Variants in MMP16 observed in about 807,000 individuals in gnomAD.
MMP16 encodes matrix metalloproteinase-16.
A neutral mutation model predicts 67.8 loss-of-function variants in MMP16; 12 were observed. The observed-to-expected ratio is 0.18, with a 90% confidence interval of 0.11 to 0.29. The LOEUF is 0.29. MMP16 is among the 10% of genes least tolerant of loss of function. The pLI, the probability that MMP16 is intolerant of heterozygous loss-of-function variation, is 1.00. For synonymous variants in MMP16, 249 were observed against 255.9 expected, an observed-to-expected ratio of 0.97 and a Z score of 0.26; for missense variants, 475 against 765.7, an observed-to-expected ratio of 0.62 and a Z score of 4.48.
chr8:88,078,736 A>T (rs1720887862), intron 6 of MMP16, among the ~76,000 whole-genome samples: 1 of 152,174 alleles, frequency 6.6e-6, no homozygotes, highest in Non-Finnish European at 1.5e-5. Context: ...GAACTGATCT[A>T]CTTTTACTTC....
chr8:88,126,852 C>A (rs958596374), intron 4 of MMP16, among the ~76,000 whole-genome samples: 11 of 151,798 alleles, frequency 7.2e-5, no homozygotes, highest in Admixed American at 2.0e-4. Context: ...GTAGGTTAAA[C>A]ACCATCAAGT....
At chr8:88,225,698 A>G (rs967543184) in intron 1 of MMP16, among the ~76,000 whole-genome samples, 1 of 151,742 alleles carries the variant, frequency 6.6e-6, no homozygotes, top group Admixed American at 6.6e-5. Context: ...AGTAGTATCA[A>G]TATATATAAA....
At chr8:88,107,924 T>C (rs1454922823) in intron 6 of MMP16, among the ~76,000 whole-genome samples, 1 of 151,146 alleles carries the variant, frequency 6.6e-6, no homozygotes, top group Admixed American at 6.6e-5. Context: ...TCTCTCTTTC[T>C]CATATGATGT....
chr8:88,093,141 C>T (rs1256799757), intron 6 of MMP16, among the ~76,000 whole-genome samples: 1 of 151,694 alleles, frequency 6.6e-6, no homozygotes, highest in African/African-American at 2.4e-5. Flanking sequence ...GACTGTATGT[C>T]CTGAAAACTT....
intron 1 of MMP16, among the ~76,000 whole-genome samples, chr8:88,279,210 G>C (rs1239906135): frequency 7.0e-6 from 1 of 142,572 alleles, no homozygotes; most frequent in African/African-American, 2.6e-5. Flanking sequence ...GACACAGCAA[G>C]ACTCTGTCTC....
chr8:88,271,142 T>C (rs1051893952), intron 1 of MMP16, among the ~76,000 whole-genome samples: 2 of 152,154 alleles, frequency 1.3e-5, no homozygotes, highest in Non-Finnish European at 2.9e-5. Flanking sequence ...TGTAGCAGAG[T>C]ATACAAACAG....
At chr8:88,250,008 C>T (rs1810181855) in intron 1 of MMP16, among the ~76,000 whole-genome samples, 3 of 152,118 alleles carry the variant, frequency 2.0e-5, no homozygotes, top group African/African-American at 7.2e-5. Context: ...AATCAGGTTA[C>T]ATAAGCAAAA....
intron 1 of MMP16, among the ~76,000 whole-genome samples, chr8:88,228,730 A>T (rs1226523081): frequency 1.3e-5 from 2 of 152,124 alleles, no homozygotes. Flanking sequence ...CCCTTTGCTC[A>T]CAAATACAGC....
chr8:88,098,102 A>G (rs1345641376), intron 6 of MMP16, among the ~76,000 whole-genome samples: 1 of 151,984 alleles, frequency 6.6e-6, no homozygotes, highest in East Asian at 2.0e-4. Flanking sequence ...GACCCAAAGA[A>G]CTCACTGAAA....
intron 1 of MMP16, among the ~76,000 whole-genome samples, chr8:88,266,446 T>C (rs1289372395): frequency 6.6e-6 from 1 of 152,194 alleles, no homozygotes; most frequent in Non-Finnish European, 1.5e-5. Flanking sequence ...ATTATATAAA[T>C]TCATCTGGAG....
At chr8:88,183,875 C>T (rs1388450678) in intron 3 of MMP16, among the ~76,000 whole-genome samples, 5 of 151,034 alleles carry the variant, frequency 3.3e-5, no homozygotes, top group African/African-American at 1.2e-4. Flanking sequence ...GCCACAACTC[C>T]GAGCTAATTT....
At chr8:88,182,467 C>T (rs912887274) in intron 3 of MMP16, among the ~76,000 whole-genome samples, 7 of 152,164 alleles carry the variant, frequency 4.6e-5, no homozygotes, top group Admixed American at 3.9e-4. Flanking sequence ...AATTGATTTA[C>T]AATAATTGTT....
intron 3 of MMP16, among the ~76,000 whole-genome samples, chr8:88,169,956 A>C (rs1808773245): frequency 6.6e-6 from 1 of 152,322 alleles, no homozygotes; most frequent in Admixed American, 6.5e-5. Context: ...TATGTTGAAA[A>C]TATATTGACG....
chr8:88,158,720 T>A (rs1808559079), intron 4 of MMP16, among the ~76,000 whole-genome samples: 1 of 152,238 alleles, frequency 6.6e-6, no homozygotes, highest in Non-Finnish European at 1.5e-5. Flanking sequence ...TTTTGGTGTT[T>A]TAGTCATGAA....
chr8:88,251,391 G>A (rs1284618851), intron 1 of MMP16, among the ~76,000 whole-genome samples: 1 of 149,904 alleles, frequency 6.7e-6, no homozygotes, highest in Admixed American at 6.6e-5. Flanking sequence ...AAGCAATGGG[G>A]AAAGGATTCC....
At chr8:88,191,059 C>T (rs536992531) in intron 2 of MMP16, among the ~76,000 whole-genome samples, 1 of 152,192 alleles carries the variant, frequency 6.6e-6, no homozygotes, top group South Asian at 2.1e-4. Flanking sequence ...ATTTTTAATA[C>T]TGATTTAATT....
chr8:88,218,300 C>T (rs1368030532), intron 1 of MMP16, among the ~76,000 whole-genome samples: 1 of 151,828 alleles, frequency 6.6e-6, no homozygotes, highest in Non-Finnish European at 1.5e-5. Flanking sequence ...TCTCAATGAC[C>T]TAAATTAGGA....
At chr8:88,125,346 A>G (rs1375540032) in intron 4 of MMP16, among the ~76,000 whole-genome samples, 1 of 151,906 alleles carries the variant, frequency 6.6e-6, no homozygotes, top group Non-Finnish European at 1.5e-5. Context: ...ATCTGTTTGG[A>G]TGTGGTTTAA....
At chr8:88,069,188 C>A in intron 7 of MMP16, 1 of 276,690 alleles carries the variant, frequency 3.6e-6, no homozygotes, top group Non-Finnish European at 7.0e-6. Flanking sequence ...CCCTCTGACC[C>A]ATGAATGAGG....
Sources: allele counts gnomAD v4.1 joint callset (sites outside exome capture counted in the v4.1 genomes callset), GRCh38; gene constraint gnomAD v4.1.1; transcripts MANE v1.5; gene names NCBI Gene and HGNC (gene_info 2026-07-23, HGNC 2026-07-21).